XRCC4: variants seen among roughly 807,000 people sequenced by gnomAD.
The protein encoded by XRCC4 is X-ray repair cross complementing 4, also known as DNA repair protein XRCC4.
XRCC4 carries 28 observed loss-of-function variants against 39.1 expected under a neutral mutation model. The observed-to-expected ratio is 0.72, with a 90% CI of 0.53 to 0.98. XRCC4 has a LOEUF of 0.98. Among genes scored for constraint, XRCC4 ranks in the 50% least tolerant of loss-of-function variants. The probability of loss-of-function intolerance (pLI) is 0.00; values close to 1 mark genes in which losing one functional copy is unlikely to be tolerated. For synonymous variants in XRCC4, 123 were observed against 126.4 expected (o/e 0.97, Z 0.18); for missense variants, 350 against 376.4 (o/e 0.93, Z 0.58).
At chr5:83,078,233 AGG>A (rs556469689) in intron 1 of XRCC4, among the ~76,000 whole-genome samples, 244 of 152,338 alleles carry the variant, frequency 1.6e-3, no homozygotes, top group African/African-American at 5.7e-3. Context: ...CCATTAGGTG[AGG>A]TTCTACTACA....
intron 3 of XRCC4, among the ~76,000 whole-genome samples, chr5:83,151,115 C>T (rs1020982670): frequency 6.6e-6 from 1 of 151,840 alleles, no homozygotes; most frequent in African/African-American, 2.4e-5. Flanking sequence ...ACAAAAAATG[C>T]CAAATGTCTC....
chr5:83,321,511 C>A (rs1756073265), intron 7 of XRCC4, among the ~76,000 whole-genome samples: 1 of 151,898 alleles, frequency 6.6e-6, no homozygotes, highest in African/African-American at 2.4e-5. Flanking sequence ...AAATTATTTT[C>A]TTGGTAGCCT....
In XRCC4 at chr5:83,280,072, A is replaced by C. The variant is rs1561451819; in HGVS notation, c.893+21395A>C. ...GAGAGTGTAGAAGAGATTGCAATTCAAAAGAAATTGAAAAATCAGAGGTAC... is the reference window on the plus strand; with the variant it reads ...GAGAGTGTAGAAGAGATTGCAATTCCAAAGAAATTGAAAAATCAGAGGTAC... On this transcript the variant is annotated intron_variant, in intron 7 of 7. Coordinates refer to ENST00000396027, the MANE Select transcript of XRCC4 (RefSeq NM_003401.5). 2.5e-5 allele frequency: 5 copies of C among 200,486 alleles called. No homozygotes were observed. The South Asian group carries it at 3.3e-4, about 13-fold the overall frequency. 12.4% of individuals were successfully genotyped at this position (200,486 alleles called of 1,614,324 possible).
intron 1 of XRCC4, among the ~76,000 whole-genome samples, chr5:83,103,025 T>TATATATATATATATATATATACAC (rs943955057): frequency 2.8e-5 from 4 of 142,660 alleles, no homozygotes; most frequent in African/African-American, 1.1e-4. Flanking sequence ...TATATATATA[T>TATATATATATATATATATATACAC]ATATATGTCA....
chr5:83,098,445 G>A (rs1745778146), intron 1 of XRCC4, among the ~76,000 whole-genome samples: 2 of 152,040 alleles, frequency 1.3e-5, no homozygotes, highest in African/African-American at 2.4e-5. Flanking sequence ...GGAATACCTG[G>A]ACAGGTGGTT....
intron 3 of XRCC4, among the ~76,000 whole-genome samples, chr5:83,130,946 G>A (rs753344321): frequency 6.6e-6 from 1 of 151,830 alleles, no homozygotes; most frequent in South Asian, 2.1e-4. Flanking sequence ...ATTTTTTAAG[G>A]GTTTTTTGTG....
chr5:83,144,068 C>G (rs142832316), intron 3 of XRCC4, among the ~76,000 whole-genome samples: 2 of 152,054 alleles, frequency 1.3e-5, no homozygotes, highest in Admixed American at 1.3e-4. Context: ...GCCTTCCCCC[C>G]TTCTGAGTCT....
intron 7 of XRCC4, among the ~76,000 whole-genome samples, chr5:83,327,704 C>T (rs1278290395): frequency 6.6e-6 from 1 of 151,754 alleles, no homozygotes; most frequent in African/African-American, 2.4e-5. Context: ...CTAAATATAC[C>T]ATGATGATTA....
At chr5:83,110,630 A>G (rs942853818) in intron 2 of XRCC4, among the ~76,000 whole-genome samples, 2 of 152,084 alleles carry the variant, frequency 1.3e-5, no homozygotes, top group African/African-American at 4.8e-5. Flanking sequence ...TGAGAAACAC[A>G]GTATAGGCTA....
At chr5:83,276,645 T>A (rs1687266152) in intron 7 of XRCC4, among the ~76,000 whole-genome samples, 1 of 152,088 alleles carries the variant, frequency 6.6e-6, no homozygotes, top group Admixed American at 6.6e-5. Flanking sequence ...ACCTTAGACT[T>A]CCCAGGATCC....
intron 3 of XRCC4, among the ~76,000 whole-genome samples, chr5:83,144,167 C>T (rs114629815): frequency 0.016 from 2,369 of 152,008 alleles, 60 homozygotes; most frequent in African/African-American, 0.053. Context: ...TTTGATTTTC[C>T]ATTCCCAAGT....
At chr5:83,170,988 C>G (rs1749695775) in intron 3 of XRCC4, among the ~76,000 whole-genome samples, 1 of 152,090 alleles carries the variant, frequency 6.6e-6, no homozygotes, top group African/African-American at 2.4e-5. Context: ...CCTCTAGTTT[C>G]AGAAAAGGAA....
chr5:83,089,988 ACAT>A (rs1745348418), intron 1 of XRCC4, among the ~76,000 whole-genome samples: 1 of 152,128 alleles, frequency 6.6e-6, no homozygotes, highest in African/African-American at 2.4e-5. Flanking sequence ...CCTTCTGTGG[ACAT>A]GCCACCTTTT....
chr5:83,305,805 A>G (rs1755462892), intron 7 of XRCC4, among the ~76,000 whole-genome samples: 1 of 152,166 alleles, frequency 6.6e-6, no homozygotes, highest in Non-Finnish European at 1.5e-5. Flanking sequence ...TAATTATACA[A>G]AGTCTCAACA....
At chr5:83,200,899 GAAA>G (rs1751161616) in intron 4 of XRCC4, among the ~76,000 whole-genome samples, 1 of 152,104 alleles carries the variant, frequency 6.6e-6, no homozygotes, top group Admixed American at 6.5e-5. Context: ...CACTGAATCT[GAAA>G]TATAAATGTA....
In XRCC4 at chr5:83,137,850, A is replaced by G. The variant is rs189978514; in HGVS notation, c.315+26647A>G. ...ACTTGTCTATTCTAGTATATAGTAA[A>G]TTCCTTGAGGGAAGTGGTCATGTTT... On this transcript the variant is annotated intron_variant, in intron 3 of 7. Coordinates refer to ENST00000396027, the MANE Select transcript of XRCC4 (RefSeq NM_003401.5). 2.0e-5 allele frequency among the ~76,000 whole-genome samples: 3 copies of G among 152,254 alleles called. No homozygotes were observed. In the East Asian group the frequency reaches 5.8e-4, roughly 29 times the overall value.
intron 7 of XRCC4, among the ~76,000 whole-genome samples, chr5:83,338,680 G>A (rs1193624820): frequency 6.6e-6 from 1 of 152,132 alleles, no homozygotes; most frequent in Non-Finnish European, 1.5e-5. Flanking sequence ...GGAACCATGT[G>A]TTATAGGCAC....
At chr5:83,280,246 A>G (rs936466910) in intron 7 of XRCC4, 7 of 335,662 alleles carry the variant, frequency 2.1e-5, no homozygotes, top group South Asian at 1.1e-4. Flanking sequence ...TGGAAACCCA[A>G]TTTCTAATTG....
chr5:83,165,331 A>G (rs999693167), intron 3 of XRCC4, among the ~76,000 whole-genome samples: 1 of 152,088 alleles, frequency 6.6e-6, no homozygotes, highest in Non-Finnish European at 1.5e-5. Context: ...TGATTTATAT[A>G]TTATAGATAC....
Sources: allele counts gnomAD v4.1 joint callset (sites outside exome capture counted in the v4.1 genomes callset), GRCh38; gene constraint gnomAD v4.1.1; transcripts MANE v1.5; gene names NCBI Gene and HGNC (gene_info 2026-07-23, HGNC 2026-07-21).